Variants in CCDC134 observed in about 807,000 individuals in gnomAD.
CCDC134 encodes the protein coiled-coil domain-containing protein 134.
In CCDC134, 27 loss-of-function variants were observed where a neutral mutation model predicts 25.6. That is an observed-to-expected ratio of 1.05 (90% CI 0.78 to 1.45). The LOEUF (loss-of-function observed/expected upper bound fraction) is 1.45, where lower values mean the gene tolerates loss of function less well. Among genes scored for constraint, CCDC134 ranks in the 40% most tolerant of loss-of-function variants. CCDC134 has a pLI of 0.00. For synonymous variants in CCDC134, 110 were observed against 115.0 expected, an observed-to-expected ratio of 0.96 and a Z score of 0.28; for missense variants, 261 against 286.7, an observed-to-expected ratio of 0.91 and a Z score of 0.65.
Position 41,813,375 on chromosome 22 carries a change from G to T in CCDC134, c.422G>T (p.Arg141Leu). The T allele has an allele frequency of 6.2e-7, 1 of 1,614,172 alleles. No individual in the cohort carries two copies. The highest frequency in any genetic ancestry group is 8.5e-7 in the Non-Finnish European group (1 of 1,180,034). Reference sequence around the variant, plus strand: ...AACTCCAACTGGAACCTCCTCATCCGCTGGGGTATCAGTTTCTGCAACCAG... The same window carrying T: ...AACTCCAACTGGAACCTCCTCATCCTCTGGGGTATCAGTTTCTGCAACCAG... ...DHNSNWNLLI[R>L]WGISFCNQTG... The change falls in exon 5 of 7, where the codon CGC (arginine) becomes CTC (leucine). Residue 141 changes from arginine (R) to leucine (L), a missense_variant. Physicochemically the swap from Arg to Leu is moderately radical, Grantham distance 102. Coordinates refer to ENST00000255784, the MANE Select transcript of CCDC134 (RefSeq NM_024821.5).
At position 41,813,398 on chromosome 22, in the gene CCDC134, C is replaced by G; in HGVS notation, c.445C>G (p.Gln149Glu). 1 of 1,614,216 alleles carries G rather than the reference C, an allele frequency of 6.2e-7. No individual in the cohort carries two copies. Among genetic ancestry groups the G allele is most frequent in the East Asian group, 2.2e-5 (1 of 44,878 alleles). The change falls in exon 5 of 7, where the codon CAG (glutamine) becomes GAG (glutamate). Residue 149 changes from glutamine (Q) to glutamate (E), a missense_variant. Physicochemically the swap from Gln to Glu is conservative, Grantham distance 29 (BLOSUM62 2). Coordinates refer to ENST00000255784, the MANE Select transcript of CCDC134 (RefSeq NM_024821.5). ...LIRWGISFCN[Q>E]TGVFNQGPHS... is the part of the protein sequence containing the mutation. ...CCGCTGGGGTATCAGTTTCTGCAAC[C>G]AGACAGGCGTCTTCAACCAGGGGCC...
chr22:41,830,011 T>C lies in CCDC134; in HGVS notation c.*4188T>C, dbSNP rs1854976560. The stretch of plus-strand genomic sequence containing the variant: ...TGGTCTCGATCTCTTGACTTCGTGA[T>C]CTGCCTGCCTCGGCCTCCTAAAGTG... On this transcript the variant is annotated 3_prime_UTR_variant, in exon 7 of 7. Transcript: ENST00000255784. Among the ~76,000 whole-genome samples the C allele has an allele frequency of 6.6e-6, 1 of 152,188 alleles. No homozygotes were observed. The highest frequency in any genetic ancestry group is 6.5e-5 in the Admixed American group (1 of 15,278).
rs963150461 is a variant in CCDC134, at chr22:41,828,353, G to A, written c.*2530G>A. On this transcript the variant is annotated 3_prime_UTR_variant, in exon 7 of 7. Coordinates refer to ENST00000255784, the MANE Select transcript of CCDC134 (RefSeq NM_024821.5). ...TCAGTGATGTGTGCCCTTCTCTGAC[G>A]GTTCCTTGTTCATCCCATGTATTTA... 6.6e-6 allele frequency among the ~76,000 whole-genome samples: 1 copy of A among 152,154 alleles called. No homozygotes were observed. Among genetic ancestry groups the A allele is most frequent in the East Asian group, 1.9e-4 (1 of 5,202 alleles).
rs2076693928 is a variant in CCDC134 at position 41,829,277 on chromosome 22, G to C, written c.*3454G>C. 1.3e-5 allele frequency among the ~76,000 whole-genome samples: 2 copies of C among 152,148 alleles called. No individual in the cohort carries two copies. Among genetic ancestry groups the C allele is most frequent in the Non-Finnish European group, 2.9e-5 (2 of 68,022 alleles). On this transcript the variant is annotated 3_prime_UTR_variant, in exon 7 of 7. Transcript: ENST00000255784. ...TCCTTGAGGTGATTCTCTCAGGCTTGTTGTTGTAGTTCTCTGCTGTCAAGT... is the reference window on the plus strand; with the variant it reads ...TCCTTGAGGTGATTCTCTCAGGCTTCTTGTTGTAGTTCTCTGCTGTCAAGT...
intron 2 of CCDC134, among the ~76,000 whole-genome samples, chr22:41,809,328 C>T (rs2076583008): frequency 6.6e-6 from 1 of 152,136 alleles, no homozygotes; most frequent in African/African-American, 2.4e-5. Flanking sequence ...CTGCTCCAGG[C>T]CAGGCCTCAA....
Position 41,829,913 on chromosome 22 carries a change from A to G in CCDC134, c.*4090A>G, listed in dbSNP as rs143291707. Among the ~76,000 whole-genome samples, 13,521 of 152,148 alleles carry G rather than the reference A, an allele frequency of 0.089. 771 individuals are homozygous for G. Among genetic ancestry groups the G allele is most frequent in the East Asian group, 0.17 (856 of 5,176 alleles). On this transcript the variant is annotated 3_prime_UTR_variant, in exon 7 of 7. Transcript: ENST00000255784. ...CTCAGCCTCCTGAGTAGCTAGGACT[A>G]CAGGTGCTTGCCACCATGACCAGCT... is the stretch of plus-strand genomic sequence containing the variant.
At position 41,811,350 on chromosome 22, in the gene CCDC134, T is replaced by C. The variant is rs1297778559; in HGVS notation, c.310+1059T>C. On this transcript the variant is annotated intron_variant, in intron 4 of 6. Transcript: ENST00000255784. The stretch of plus-strand genomic sequence containing the variant: ...AACCATGTCTCAGGCAGAAATGAGA[T>C]GGTGGTCTCTACACCCAACCTCCAG... 1.1e-4 allele frequency among the ~76,000 whole-genome samples: 16 copies of C among 152,198 alleles called. 1 individual carries two copies. Among genetic ancestry groups the C allele is most frequent in the Admixed American group, 9.8e-4 (15 of 15,270 alleles).
At position 41,830,050 on chromosome 22, in the gene CCDC134, C is replaced by T. The variant is rs543692590; in HGVS notation, c.*4227C>T. Among the ~76,000 whole-genome samples the T allele has an allele frequency of 3.1e-4, 47 of 152,252 alleles. No individual in the cohort carries two copies. Among genetic ancestry groups the T allele is most frequent in the Middle Eastern group, 3.4e-3 (1 of 294 alleles). ...CCTCCTAAAGTGCTGGGATTACAGG[C>T]GTAAGCAACCGTGCCCGGCTGTCCA... is the stretch of plus-strand genomic sequence containing the variant. On this transcript the variant is annotated 3_prime_UTR_variant, in exon 7 of 7. Coordinates refer to ENST00000255784, the MANE Select transcript of CCDC134 (RefSeq NM_024821.5).
In CCDC134 at chr22:41,828,187, C is replaced by A. The variant is rs2076688509; in HGVS notation, c.*2364C>A. 6.7e-6 allele frequency among the ~76,000 whole-genome samples: 1 copy of A among 150,346 alleles called. No individual in the cohort carries two copies. Among genetic ancestry groups the A allele is most frequent in the Non-Finnish European group, 1.5e-5 (1 of 67,748 alleles). On this transcript the variant is annotated 3_prime_UTR_variant, in exon 7 of 7. Transcript: ENST00000255784. The stretch of plus-strand genomic sequence containing the variant: ...AGCCAGCCCAGTGTGGTGGCAAGAC[C>A]TGGGCAACTTGGGACCAGCCTGGGC...
rs967968764 is a variant in CCDC134 at position 41,830,061 on chromosome 22, G to A, written c.*4238G>A. Among the ~76,000 whole-genome samples the A allele has an allele frequency of 8.5e-5, 13 of 152,172 alleles. No individual in the cohort carries two copies. Among genetic ancestry groups the A allele is most frequent in the African/African-American group, 1.4e-4 (6 of 41,424 alleles). On this transcript the variant is annotated 3_prime_UTR_variant, in exon 7 of 7. Coordinates refer to ENST00000255784, the MANE Select transcript of CCDC134 (RefSeq NM_024821.5). ...GCTGGGATTACAGGCGTAAGCAACCGTGCCCGGCTGTCCATCTCTTTTCAG... is the reference window on the plus strand; with the variant it reads ...GCTGGGATTACAGGCGTAAGCAACCATGCCCGGCTGTCCATCTCTTTTCAG...
chr22:41,825,608 T>C lies in CCDC134; in HGVS notation c.565-90T>C. 6.5e-7 allele frequency: 1 copy of C among 1,542,604 alleles called. No homozygotes were observed. Among genetic ancestry groups the C allele is most frequent in the Non-Finnish European group, 8.8e-7 (1 of 1,132,138 alleles). On this transcript the variant is annotated intron_variant, in intron 6 of 6. Transcript: ENST00000255784. The surrounding 1 kb of genome is among the most constrained non-coding windows in gnomAD (Gnocchi z 4.4). ...GGGCAGGGCCTGTGTCCAGGGAACC[T>C]TCCTATTCCCACACCCCGCTGGTGG...
rs140938086 is a variant in CCDC134 at position 41,830,068 on chromosome 22, G to A, written c.*4245G>A. ...TTACAGGCGTAAGCAACCGTGCCCG[G>A]CTGTCCATCTCTTTTCAGATGAAGA... On this transcript the variant is annotated 3_prime_UTR_variant, in exon 7 of 7. Transcript: ENST00000255784. Among the ~76,000 whole-genome samples the A allele has an allele frequency of 1.3e-5, 2 of 152,198 alleles. No homozygotes were observed. The highest frequency in any genetic ancestry group is 4.8e-5 in the African/African-American group (2 of 41,434).
chr22:41,827,345 T>G lies in CCDC134; in HGVS notation c.*1522T>G, dbSNP rs1480556944. Among the ~76,000 whole-genome samples, 2 of 152,178 alleles carry G rather than the reference T, an allele frequency of 1.3e-5. No individual in the cohort carries two copies. The highest frequency in any genetic ancestry group is 4.8e-5 in the African/African-American group (2 of 41,442). The stretch of plus-strand genomic sequence containing the variant: ...ACATAGTTTCATCTCCACCCTGCCC[T>G]TCTCAGGTTGTGTGACCCCAGCCAC... On this transcript the variant is annotated 3_prime_UTR_variant, in exon 7 of 7. Transcript: ENST00000255784.
At chr22:41,819,779 A>G (rs2076639873) in intron 6 of CCDC134, among the ~76,000 whole-genome samples, 1 of 151,640 alleles carries the variant, frequency 6.6e-6, no homozygotes, top group Non-Finnish European at 1.5e-5. Context: ...ATCCCAAGGA[A>G]GAACATTCCA....
At chr22:41,813,539 C>A in intron 5 of CCDC134, 94 bp downstream of exon 5, 1 of 1,424,602 alleles carries the variant, frequency 7.0e-7, no homozygotes, top group African/African-American at 1.4e-5. Flanking sequence ...AACGTCAGTG[C>A]TTGGTTACAT....
chr22:41,810,315 T>C, intron 4 of CCDC134, 24 bp downstream of exon 4: 1 of 1,597,338 alleles, frequency 6.3e-7, no homozygotes, highest in East Asian at 2.2e-5. Flanking sequence ...TGCCCCGCCC[T>C]GTCCTCCGCA....
rs748287551 is a variant in CCDC134, at chr22:41,813,336, A to G, written c.383A>G (p.Tyr128Cys). Residue 128 changes from tyrosine (Y) to cysteine (C), a missense_variant, in exon 5 of 7, where the codon TAT becomes TGT. By Grantham distance (194) the Tyr-to-Cys change is radical. Coordinates refer to ENST00000255784, the MANE Select transcript of CCDC134 (RefSeq NM_024821.5). ...VVLRFPRIVH[Y>C]YFDHNSNWNL... ...CTGCGCTTCCCGAGGATTGTGCACTATTACTTTGACCACAACTCCAACTGG... is the reference window on the plus strand; with the variant it reads ...CTGCGCTTCCCGAGGATTGTGCACTGTTACTTTGACCACAACTCCAACTGG... The G allele has an allele frequency of 5.0e-6, 8 of 1,614,110 alleles. No homozygotes were observed. In the Admixed American group the frequency reaches 8.3e-5, roughly 17 times the overall value.
Position 41,825,547 on chromosome 22 carries a change from C to T in CCDC134, c.565-151C>T. ...TGCTTATCTTCCAACACCCACTCAG[C>T]AGTTCTCCCAAACCCATTTCCTGTC... On this transcript the variant is annotated intron_variant, in intron 6 of 6. Transcript: ENST00000255784. The surrounding 1 kb of genome is among the most constrained non-coding windows in gnomAD (Gnocchi z 4.4). 1 of 954,980 alleles carries T rather than the reference C, an allele frequency of 1.0e-6. No homozygotes were observed. Among genetic ancestry groups the T allele is most frequent in the Non-Finnish European group, 1.6e-6 (1 of 643,350 alleles). 59.2% of individuals were successfully genotyped at this position (954,980 alleles called of 1,614,324 possible).
rs1446343445 is a variant in CCDC134 at position 41,819,962 on chromosome 22, TTTATATATATATATATA to T, written c.565-5734_565-5718del. Among the ~76,000 whole-genome samples, 25 of 89,646 alleles carry T rather than the reference TTTATATATATATATATA, an allele frequency of 2.8e-4. 1 individual carries two copies. Among genetic ancestry groups the T allele is most frequent in the African/African-American group, 1.2e-3 (25 of 20,124 alleles). The allele number at this position is 89,646 out of a possible 152,430, so 58.8% of individuals were successfully genotyped here. On this transcript the variant is annotated intron_variant, in intron 6 of 6. Coordinates refer to ENST00000255784, the MANE Select transcript of CCDC134 (RefSeq NM_024821.5). ...TGGAGAGCAGGCTGTGACTTACCAC[TTTATATATATATATATA>T]TATATATATATATATATATAATTTT...
Sources: gnomAD v4.1 joint callset for allele counts (sites outside exome capture counted in the v4.1 genomes callset) on GRCh38, gnomAD v4.1.1 for gene constraint, Gnocchi (gnomAD v3.1) non-coding constraint, MANE v1.5 for transcripts, NCBI Gene and HGNC (gene_info 2026-07-23, HGNC 2026-07-21) for gene names.